The following FHIT variants were observed in gnomAD, a reference collection of about 807,000 sequenced individuals.
FHIT encodes the protein bis(5'-adenosyl)-triphosphatase.
In FHIT, 19 loss-of-function variants were observed where a neutral mutation model predicts 17.9. The ratio of observed to expected loss-of-function variants is 1.06; its 90% CI spans 0.74 to 1.56. FHIT has a LOEUF of 1.56. Among genes scored for constraint, FHIT ranks in the 40% most tolerant of loss-of-function variants. The pLI, the probability that FHIT is intolerant of heterozygous loss-of-function variation, is 0.00. For synonymous variants in FHIT, 81 were observed against 69.7 expected (o/e 1.16, Z -0.81); for missense variants, 248 against 189.2 (o/e 1.31, Z -1.82).
chr3:60,001,414 G>C (rs955131390), intron 7 of FHIT, among the ~76,000 whole-genome samples: 2 of 152,128 alleles, frequency 1.3e-5, no homozygotes, highest in Non-Finnish European at 2.9e-5. Context: ...AGCCTGTGAC[G>C]ATATCTGGCA....
intron 5 of FHIT, among the ~76,000 whole-genome samples, chr3:60,122,325 T>C (rs1043519349): frequency 2.0e-5 from 3 of 152,128 alleles, no homozygotes; most frequent in Non-Finnish European, 4.4e-5. Flanking sequence ...AGCAGGGAAT[T>C]GTGGGAAATG....
chr3:60,615,671 G>A (rs1282356253), intron 4 of FHIT, among the ~76,000 whole-genome samples: 1 of 152,174 alleles, frequency 6.6e-6, no homozygotes, highest in Non-Finnish European at 1.5e-5. Context: ...CCCTCTGCCA[G>A]ATGCTGCAAG....
intron 5 of FHIT, among the ~76,000 whole-genome samples, chr3:60,524,223 CACACACACACACACACACACACACAA>C (rs1482764716): frequency 8.4e-5 from 8 of 94,908 alleles, no homozygotes; most frequent in Non-Finnish European, 2.2e-4. Flanking sequence ...CACACACACA[CACACACACACACACACACACACACAA>C]ATAAATTATA....
intron 8 of FHIT, among the ~76,000 whole-genome samples, chr3:59,872,452 T>G (rs1702966120): frequency 6.6e-6 from 1 of 152,066 alleles, no homozygotes; most frequent in Non-Finnish European, 1.5e-5. Flanking sequence ...ATGTGAGGAG[T>G]AGAAGACAAC....
intron 3 of FHIT, among the ~76,000 whole-genome samples, chr3:60,978,628 C>A (rs1367525347): frequency 1.3e-5 from 2 of 151,928 alleles, no homozygotes; most frequent in Non-Finnish European, 2.9e-5. Context: ...TTTTTGAATC[C>A]CTCTTAAATT....
rs780962131 is a variant in FHIT, at chr3:60,142,624, C to G, written c.104-128472G>C. On this transcript the variant is annotated intron_variant, in intron 5 of 9. Transcript: ENST00000492590. ...CAGAGTGATCCTCCTGCCTCAGCCA[C>G]CCAAGTAGCTGGGACTATAGGTGCA... 8.5e-5 allele frequency among the ~76,000 whole-genome samples: 13 copies of G among 152,082 alleles called. No individual in the cohort carries two copies. The East Asian group carries it at 2.1e-3, about 25-fold the overall frequency.
At chr3:60,428,559 A>G (rs984791057) in intron 5 of FHIT, among the ~76,000 whole-genome samples, 4 of 152,168 alleles carry the variant, frequency 2.6e-5, no homozygotes, top group African/African-American at 9.6e-5. Context: ...CTTTCTGTGA[A>G]CACTGACTAC....
At chr3:60,934,013 T>C (rs1553772496) in intron 3 of FHIT, among the ~76,000 whole-genome samples, 1 of 152,200 alleles carries the variant, frequency 6.6e-6, no homozygotes, top group Non-Finnish European at 1.5e-5. Flanking sequence ...CTGCTTAATT[T>C]GAGGTTAATT....
intron 2 of FHIT, among the ~76,000 whole-genome samples, chr3:61,079,634 G>A (rs1241321200): frequency 1.3e-5 from 2 of 152,146 alleles, no homozygotes; most frequent in African/African-American, 4.8e-5. Flanking sequence ...TGGTATGAAA[G>A]ATGTATTTCA....
intron 4 of FHIT, among the ~76,000 whole-genome samples, chr3:60,651,541 C>CG (rs202129087): frequency 2.1e-3 from 313 of 148,194 alleles, no homozygotes; most frequent in East Asian, 0.013. Flanking sequence ...TAGATCCAAT[C>CG]TTTTTTTTTT....
chr3:61,227,820 T>A (rs539193302), intron 1 of FHIT, among the ~76,000 whole-genome samples: 1 of 152,178 alleles, frequency 6.6e-6, no homozygotes, highest in East Asian at 1.9e-4. Context: ...AAAGCCCGAG[T>A]GTGATGTTCG....
intron 3 of FHIT, among the ~76,000 whole-genome samples, chr3:60,946,321 T>G (rs1030428932): frequency 3.3e-5 from 5 of 152,184 alleles, no homozygotes; most frequent in Non-Finnish European, 7.3e-5. Flanking sequence ...AAGGGCACTA[T>G]TGGCATTTGG....
At chr3:61,141,227 A>T (rs1560014769) in intron 2 of FHIT, among the ~76,000 whole-genome samples, 1 of 152,138 alleles carries the variant, frequency 6.6e-6, no homozygotes, top group Non-Finnish European at 1.5e-5. Flanking sequence ...CATCTTTTTA[A>T]TAAAGACAGC....
chr3:60,965,077 G>A (rs1290166197), intron 3 of FHIT, among the ~76,000 whole-genome samples: 8 of 152,120 alleles, frequency 5.3e-5, no homozygotes, highest in South Asian at 2.1e-4. Flanking sequence ...CCAAGCAGAC[G>A]TAGATTTGGT....
chr3:60,109,787 C>G (rs976886515), intron 5 of FHIT, among the ~76,000 whole-genome samples: 6 of 152,180 alleles, frequency 3.9e-5, no homozygotes, highest in African/African-American at 1.4e-4. Flanking sequence ...GACCTTTCTG[C>G]AGGTGAAGTT....
intron 4 of FHIT, among the ~76,000 whole-genome samples, chr3:60,695,660 A>G (rs574039037): frequency 6.6e-6 from 1 of 152,302 alleles, no homozygotes; most frequent in South Asian, 2.1e-4. Flanking sequence ...AATCCCTAAC[A>G]AGAGTTCAAC....
At chr3:60,472,215 G>A (rs542990879) in intron 5 of FHIT, among the ~76,000 whole-genome samples, 2 of 151,048 alleles carry the variant, frequency 1.3e-5, no homozygotes, top group East Asian at 1.9e-4. Flanking sequence ...TAAGAAAAAA[G>A]CATTTCAATG....
At chr3:60,190,668 G>T (rs933965900) in intron 5 of FHIT, among the ~76,000 whole-genome samples, 7 of 152,050 alleles carry the variant, frequency 4.6e-5, no homozygotes, top group African/African-American at 1.7e-4. Flanking sequence ...AATGCTAAAT[G>T]ACGAGTTAAT....
intron 2 of FHIT, among the ~76,000 whole-genome samples, chr3:61,088,996 T>A (rs2106803526): frequency 6.6e-6 from 1 of 152,224 alleles, no homozygotes; most frequent in African/African-American, 2.4e-5. Context: ...GAGGTAGAAA[T>A]GATTCCCATG....
Sources: gnomAD v4.1 joint callset for allele counts (sites outside exome capture counted in the v4.1 genomes callset) on GRCh38, gnomAD v4.1.1 for gene constraint, MANE v1.5 for transcripts, NCBI Gene and HGNC (gene_info 2026-07-23, HGNC 2026-07-21) for gene names.